The following GALNT17 variants were observed in gnomAD, a reference collection of about 807,000 sequenced individuals.
GALNT17 encodes the protein polypeptide N-acetylgalactosaminyltransferase 17.
Under a neutral mutation model 63.7 loss-of-function variants are expected in GALNT17, and 29 were observed. The ratio of observed to expected loss-of-function variants is 0.46; its 90% CI spans 0.34 to 0.62. The LOEUF (loss-of-function observed/expected upper bound fraction) is 0.62. Among genes scored for constraint, GALNT17 ranks in the 20% least tolerant of loss-of-function variants. The probability of loss-of-function intolerance (pLI) is 0.01; values close to 1 mark genes in which losing one functional copy is unlikely to be tolerated. For missense variants in GALNT17, 603 were observed against 799.6 expected (o/e 0.75, Z 2.97); for synonymous variants, 305 against 318.3 (o/e 0.96, Z 0.45).
chr7:71,572,527 A>AAC (rs1444769146), intron 6 of GALNT17, among the ~76,000 whole-genome samples: 3 of 150,268 alleles, frequency 2.0e-5, no homozygotes, highest in Non-Finnish European at 3.0e-5. Context: ...AAAAAAAAAA[A>AAC]AAACTACATG....
chr7:71,251,568 C>T (rs947680958), intron 1 of GALNT17, among the ~76,000 whole-genome samples: 3 of 151,992 alleles, frequency 2.0e-5, no homozygotes, highest in African/African-American at 7.3e-5. Context: ...CACCACTGCA[C>T]CTAGCTAATT....
intron 6 of GALNT17, among the ~76,000 whole-genome samples, chr7:71,592,570 A>G (rs558714754): frequency 6.9e-6 from 1 of 145,730 alleles, no homozygotes; most frequent in South Asian, 2.1e-4. Context: ...ATACTAAAAT[A>G]AAATAAAATA....
chr7:71,176,535 G>A (rs1788642217), intron 1 of GALNT17, among the ~76,000 whole-genome samples: 1 of 152,136 alleles, frequency 6.6e-6, no homozygotes, highest in Non-Finnish European at 1.5e-5. Context: ...GAGGAGGATG[G>A]AGTTAGATTT....
chr7:71,611,553 G>T (rs902702474), intron 6 of GALNT17, among the ~76,000 whole-genome samples: 2 of 151,952 alleles, frequency 1.3e-5, no homozygotes, highest in African/African-American at 2.4e-5. Context: ...CTTCCTCACT[G>T]TGCCCCTGCA....
At chr7:71,492,395 C>G (rs556473191) in intron 5 of GALNT17, among the ~76,000 whole-genome samples, 3 of 152,224 alleles carry the variant, frequency 2.0e-5, no homozygotes, top group African/African-American at 7.2e-5. Flanking sequence ...CTCTCTTCAC[C>G]CCTAGAGCTG....
At chr7:71,312,622 CCTT>C (rs2115951045) in intron 1 of GALNT17, among the ~76,000 whole-genome samples, 1 of 152,224 alleles carries the variant, frequency 6.6e-6, no homozygotes, top group East Asian at 1.9e-4. Context: ...CAGGTAGTGA[CCTT>C]CTCACTCCCT....
At chr7:71,549,152 G>C (rs78382748) in intron 5 of GALNT17, among the ~76,000 whole-genome samples, 17 of 152,150 alleles carry the variant, frequency 1.1e-4, no homozygotes, top group Non-Finnish European at 7.3e-5. Flanking sequence ...TACTCGAGCA[G>C]AGTCGCCAGT....
intron 6 of GALNT17, among the ~76,000 whole-genome samples, chr7:71,631,500 C>G (rs1790452470): frequency 6.6e-6 from 1 of 152,098 alleles, no homozygotes; most frequent in South Asian, 2.1e-4. Context: ...AGTAGTAAAT[C>G]TGAATGAAGT....
chr7:71,520,075 G>A (rs1003171268), intron 5 of GALNT17, among the ~76,000 whole-genome samples: 2 of 152,114 alleles, frequency 1.3e-5, no homozygotes, highest in African/African-American at 4.8e-5. Context: ...CCCTCAAAGA[G>A]CTCACAGTCT....
At chr7:71,224,923 C>G (rs1789653351) in intron 1 of GALNT17, among the ~76,000 whole-genome samples, 1 of 152,156 alleles carries the variant, frequency 6.6e-6, no homozygotes, top group South Asian at 2.1e-4. Flanking sequence ...TGAAACCAAT[C>G]TATATTGGTT....
chr7:71,700,424 A>G (rs1791614660), intron 9 of GALNT17, among the ~76,000 whole-genome samples: 1 of 151,930 alleles, frequency 6.6e-6, no homozygotes, highest in Admixed American at 6.6e-5. Flanking sequence ...CTCTACTTCC[A>G]TCCTCATTGC....
chr7:71,527,457 C>G (rs1394431726), intron 5 of GALNT17, among the ~76,000 whole-genome samples: 3 of 152,124 alleles, frequency 2.0e-5, no homozygotes, highest in Non-Finnish European at 2.9e-5. Flanking sequence ...CTAGAGATTC[C>G]AAGTCTTCAA....
intron 1 of GALNT17, among the ~76,000 whole-genome samples, chr7:71,260,741 C>A (rs1383263514): frequency 6.6e-6 from 1 of 151,938 alleles, no homozygotes; most frequent in Admixed American, 6.6e-5. Flanking sequence ...ACCACAGGTA[C>A]ATGCCAACAC....
At chr7:71,593,598 T>C (rs1334552532) in intron 6 of GALNT17, among the ~76,000 whole-genome samples, 1 of 152,178 alleles carries the variant, frequency 6.6e-6, no homozygotes, top group East Asian at 1.9e-4. Flanking sequence ...TTGAAGCTAC[T>C]GTCTGTAGAT....
chr7:71,332,134 A>G (rs1450395989), intron 1 of GALNT17, among the ~76,000 whole-genome samples: 1 of 152,142 alleles, frequency 6.6e-6, no homozygotes, highest in Admixed American at 6.5e-5. Context: ...TACTCTCTGA[A>G]GAGCTTGTAA....
intron 6 of GALNT17, among the ~76,000 whole-genome samples, chr7:71,625,639 C>A (rs972321146): frequency 6.6e-6 from 1 of 152,052 alleles, no homozygotes; most frequent in Non-Finnish European, 1.5e-5. Flanking sequence ...AGCTCAGAGC[C>A]CATGAGCTGT....
chr7:71,352,596 T>A (rs1215920172), intron 2 of GALNT17, among the ~76,000 whole-genome samples: 1 of 152,172 alleles, frequency 6.6e-6, no homozygotes, highest in Non-Finnish European at 1.5e-5. Context: ...GGTTGAACAA[T>A]TTATGAATCT....
chr7:71,263,507 G>A (rs1011713622), intron 1 of GALNT17, among the ~76,000 whole-genome samples: 1 of 152,216 alleles, frequency 6.6e-6, no homozygotes, highest in Non-Finnish European at 1.5e-5. Flanking sequence ...ACAAATACAG[G>A]GAAGAGAACT....
chr7:71,297,396 T>C (rs113479590), intron 1 of GALNT17, among the ~76,000 whole-genome samples: 2,925 of 152,152 alleles, frequency 0.019, 82 homozygotes, highest in African/African-American at 0.065. Context: ...ATACAAAAAT[T>C]AGCCAGTTGT....
Sources: allele counts gnomAD v4.1 joint callset (sites outside exome capture counted in the v4.1 genomes callset), GRCh38; gene constraint gnomAD v4.1.1; transcripts MANE v1.5; gene names NCBI Gene and HGNC (gene_info 2026-07-23, HGNC 2026-07-21).